USP45: variants seen among roughly 807,000 people sequenced by gnomAD.
USP45 encodes the protein ubiquitin specific peptidase 45, also known as ubiquitin carboxyl-terminal hydrolase 45.
Under a neutral mutation model 95.8 loss-of-function variants are expected in USP45, and 89 were observed. The ratio of observed to expected loss-of-function variants is 0.93; its 90% confidence interval spans 0.78 to 1.11. The LOEUF (loss-of-function observed/expected upper bound fraction) is 1.11. Ranked by LOEUF, USP45 falls within the 50% of genes least tolerant of loss-of-function variation. The pLI is 0.00. For synonymous variants in USP45, 281 were observed against 316.2 expected (o/e 0.89, Z 1.18); for missense variants, 898 against 942.5 (o/e 0.95, Z 0.62).
intron 1 of USP45, among the ~76,000 whole-genome samples, chr6:99,513,609 A>G (rs1201384287): frequency 6.6e-6 from 1 of 152,238 alleles, no homozygotes; most frequent in East Asian, 1.9e-4. Flanking sequence ...TAATGCTAGC[A>G]AAATAATAAA....
intron 6 of USP45, 96 bp from the exon 7 acceptor site, chr6:99,488,391 T>G: frequency 1.2e-6 from 1 of 816,454 alleles, no homozygotes; most frequent in Non-Finnish European, 1.9e-6. Context: ...ATAGCAAAAG[T>G]GTCTATTTCA....
At chr6:99,468,762 A>C (rs1562359602) in intron 9 of USP45, 144 bp from the exon 10 acceptor site, 2 of 557,702 alleles carry the variant, frequency 3.6e-6, no homozygotes, top group Non-Finnish European at 6.2e-6. Context: ...TTTTTAAAAA[A>C]TGTAATTTCT....
chr6:99,472,015 T>C lies in USP45; in HGVS notation c.934-3397A>G, dbSNP rs527273431. Among the ~76,000 whole-genome samples the C allele has an allele frequency of 2.2e-4, 33 of 152,350 alleles. No individual in the cohort carries two copies. The South Asian group carries it at 6.0e-3, about 28-fold the overall frequency. On this transcript the variant is annotated intron_variant, in intron 9 of 17. Coordinates refer to ENST00000500704, the MANE Select transcript of USP45 (RefSeq NM_001346022.3). ...AAGAGCTTTCAAAACCAATGTGTCCTGCTGGGCTGCCTAAGATACTGTGCA... is the reference window on the plus strand; with the variant it reads ...AAGAGCTTTCAAAACCAATGTGTCCCGCTGGGCTGCCTAAGATACTGTGCA...
At chr6:99,463,712 T>C (rs1242176413) in intron 13 of USP45, among the ~76,000 whole-genome samples, 1 of 146,310 alleles carries the variant, frequency 6.8e-6, no homozygotes, top group African/African-American at 2.5e-5. Context: ...CTCAGGAGGC[T>C]GAGGCAGGAG....
intron 13 of USP45, among the ~76,000 whole-genome samples, chr6:99,454,640 G>T (rs935648969): frequency 5.0e-4 from 76 of 152,260 alleles, no homozygotes; most frequent in Admixed American, 3.8e-3. Flanking sequence ...AATCATCCAG[G>T]AAATGCAGAT....
intron 8 of USP45, among the ~76,000 whole-genome samples, chr6:99,476,577 T>C (rs751258956): frequency 6.6e-6 from 1 of 152,248 alleles, no homozygotes; most frequent in Non-Finnish European, 1.5e-5. Flanking sequence ...GGCTATCATT[T>C]ATTAAGCAAC....
Position 99,508,720 on chromosome 6 carries a change from C to T in USP45, c.163G>A (p.Ala55Thr), listed in dbSNP as rs1242620160. ...GAGCAAACTGACCACAGATTCTCAG[C>T]TATTGCTCTCTTTACATGATTCACG... Reference protein sequence around the residue: ...ISVNHVKRAIAENLWSVCSEC... With the variant: ...ISVNHVKRAITENLWSVCSEC... Residue 55 changes from alanine to threonine, a missense_variant, in exon 3 of 18, where the codon GCT becomes ACT. Transcript: ENST00000500704. 2 of 1,613,766 alleles carry T rather than the reference C, an allele frequency of 1.2e-6. No homozygotes were observed. Among genetic ancestry groups the T allele is most frequent in the Admixed American group, 1.7e-5 (1 of 59,998 alleles).
intron 13 of USP45, among the ~76,000 whole-genome samples, chr6:99,463,847 G>A (rs1311471655): frequency 7.4e-6 from 1 of 134,690 alleles, no homozygotes; most frequent in Non-Finnish European, 1.6e-5. Context: ...GCAATCCATA[G>A]ACCTCTTTTA....
chr6:99,502,187 C>T (rs187913208), intron 5 of USP45, among the ~76,000 whole-genome samples: 46 of 152,320 alleles, frequency 3.0e-4, no homozygotes, highest in African/African-American at 1.0e-3. Flanking sequence ...TTAGTGCACA[C>T]GAATGCATGG....
At chr6:99,455,005 A>C (rs1197775368) in intron 13 of USP45, among the ~76,000 whole-genome samples, 1 of 149,010 alleles carries the variant, frequency 6.7e-6, no homozygotes, top group Non-Finnish European at 1.5e-5. Flanking sequence ...CAGGAGAATC[A>C]CTTGAACCTG....
intron 16 of USP45, among the ~76,000 whole-genome samples, chr6:99,438,578 A>G (rs748977933): frequency 9.9e-5 from 15 of 152,274 alleles, no homozygotes; most frequent in Non-Finnish European, 1.6e-4. Context: ...CAATAGATCC[A>G]GTCCTTATCT....
At chr6:99,436,638 C>G (rs1197513970) in intron 17 of USP45, among the ~76,000 whole-genome samples, 1 of 152,184 alleles carries the variant, frequency 6.6e-6, no homozygotes, top group Non-Finnish European at 1.5e-5. Context: ...TTCTGACAAT[C>G]TGATATGGCT....
chr6:99,466,144 T>C (rs1007124746), intron 11 of USP45, among the ~76,000 whole-genome samples: 26 of 151,908 alleles, frequency 1.7e-4, no homozygotes, highest in African/African-American at 6.3e-4. Context: ...GCCTCCCGAG[T>C]CATTGGGACT....
In USP45 at chr6:99,503,745, T is replaced by G. The variant is rs754620429; in HGVS notation, c.478+20A>C. On this transcript the variant is annotated intron_variant, in intron 5 of 17. Coordinates refer to ENST00000500704, the MANE Select transcript of USP45 (RefSeq NM_001346022.3). ...ATACTGTATTTTAACACAGATTCCT[T>G]TAGTCATCGCTTAACTTACTTGTTT... The G allele has an allele frequency of 1.3e-6, 2 of 1,483,310 alleles. No individual in the cohort carries two copies. The highest frequency in any genetic ancestry group is 1.2e-5 in the South Asian group (1 of 81,568). The allele number at this position is 1,483,310 out of a possible 1,614,324, so 91.9% of individuals were successfully genotyped here.
intron 9 of USP45, among the ~76,000 whole-genome samples, chr6:99,475,116 A>G (rs775997895): frequency 6.6e-6 from 1 of 152,208 alleles, no homozygotes; most frequent in Non-Finnish European, 1.5e-5. Context: ...ATTGAGAATC[A>G]TGAATAGCCA....
intron 5 of USP45, among the ~76,000 whole-genome samples, chr6:99,495,979 C>T (rs1457550254): frequency 6.6e-6 from 1 of 151,972 alleles, no homozygotes; most frequent in Non-Finnish European, 1.5e-5. Flanking sequence ...ATGAGGAACC[C>T]CAAATTAAAA....
intron 13 of USP45, among the ~76,000 whole-genome samples, chr6:99,460,632 T>G (rs929742806): frequency 4.6e-5 from 7 of 152,166 alleles, no homozygotes; most frequent in Admixed American, 2.0e-4. Context: ...TCAAATCTAT[T>G]TTGAAGTATA....
intron 13 of USP45, among the ~76,000 whole-genome samples, chr6:99,453,317 G>A (rs1312604763): frequency 6.6e-6 from 1 of 151,994 alleles, no homozygotes; most frequent in Non-Finnish European, 1.5e-5. Context: ...CAGTAAAGTT[G>A]TTGAATGCAA....
chr6:99,449,534 A>C (rs1196452090), intron 13 of USP45, among the ~76,000 whole-genome samples: 1 of 152,090 alleles, frequency 6.6e-6, no homozygotes, highest in Non-Finnish European at 1.5e-5. Context: ...TTCATAAAGC[A>C]AGTCCCCAGA....
Sources: allele counts gnomAD v4.1 joint callset (sites outside exome capture counted in the v4.1 genomes callset), GRCh38; gene constraint gnomAD v4.1.1; transcripts MANE v1.5; gene names NCBI Gene and HGNC (gene_info 2026-07-23, HGNC 2026-07-21).